The following PDLIM4 variants were observed in gnomAD, a reference collection of about 807,000 sequenced individuals.
The protein encoded by PDLIM4 is PDZ and LIM domain protein 4.
PDLIM4 carries 19 observed loss-of-function variants against 31.3 expected under a neutral mutation model. That is an observed-to-expected ratio of 0.61 (90% confidence interval 0.42 to 0.89). The LOEUF (loss-of-function observed/expected upper bound fraction) is 0.89. Ranked by LOEUF, PDLIM4 falls within the 40% of genes least tolerant of loss-of-function variation. The pLI is 0.00. For synonymous variants in PDLIM4, 176 were observed against 190.1 expected, an observed-to-expected ratio of 0.93 and a Z score of 0.61; for missense variants, 442 against 461.1, an observed-to-expected ratio of 0.96 and a Z score of 0.38.
chr5:132,266,231 G>A (rs577370187), intron 2 of PDLIM4, among the ~76,000 whole-genome samples: 2 of 152,358 alleles, frequency 1.3e-5, no homozygotes, highest in East Asian at 1.9e-4. Context: ...CCAGACTAGA[G>A]AGGGATTGGG....
chr5:132,270,846 G>T, intron 3 of PDLIM4, 69 bp from the exon 4 acceptor site: 1 of 1,381,796 alleles, frequency 7.2e-7, no homozygotes, highest in Non-Finnish European at 1.0e-6. Context: ...CAGCAGGGTG[G>T]GGGTGGGGTG....
chr5:132,268,994 G>A (rs566700483), intron 3 of PDLIM4, among the ~76,000 whole-genome samples: 66 of 152,294 alleles, frequency 4.3e-4, no homozygotes, highest in African/African-American at 1.6e-3. Flanking sequence ...TGTGCTTTAT[G>A]CCAGGCACTA....
At chr5:132,268,922 AG>A (rs1756548272) in intron 3 of PDLIM4, among the ~76,000 whole-genome samples, 1 of 152,146 alleles carries the variant, frequency 6.6e-6, no homozygotes, top group African/African-American at 2.4e-5. Flanking sequence ...CCACCCACAG[AG>A]GGGGAAAATA....
In PDLIM4 at chr5:132,272,338, C is replaced by T. The variant is rs1756646885; in HGVS notation, c.*109C>T. 1 of 919,518 alleles carries T rather than the reference C, an allele frequency of 1.1e-6. No individual in the cohort carries two copies. Among genetic ancestry groups the T allele is most frequent in the South Asian group, 1.5e-5 (1 of 67,682 alleles). 57.0% of individuals were successfully genotyped at this position (919,518 alleles called of 1,614,324 possible). A position where few individuals can be genotyped will look rare whatever the true frequency, so the allele number is the denominator to read the frequency against. On this transcript the variant is annotated 3_prime_UTR_variant, in exon 7 of 7. Transcript: ENST00000253754. ...CTCCTCTGCTCCACCTTGAACCTGT[C>T]ACCTGGCCTGCCACCCTCCTGCGCA...
chr5:132,265,567 A>G (rs1452544718), intron 2 of PDLIM4, among the ~76,000 whole-genome samples: 1 of 152,208 alleles, frequency 6.6e-6, no homozygotes, highest in African/African-American at 2.4e-5. Context: ...TATGGACCAT[A>G]GGCATAGATA....
chr5:132,266,965 C>T (rs1756504770), intron 3 of PDLIM4, among the ~76,000 whole-genome samples: 1 of 152,186 alleles, frequency 6.6e-6, no homozygotes, highest in Non-Finnish European at 1.5e-5. Flanking sequence ...CCTCTGAGTG[C>T]CCTATCCAAG....
chr5:132,271,994 C>CATCAGACAG, intron 6 of PDLIM4, 31 bp from the exon 7 acceptor site: 1 of 1,608,556 alleles, frequency 6.2e-7, no homozygotes, highest in Non-Finnish European at 8.5e-7. Context: ...ATCAGTCACT[C>CATCAGACAG]GACGCTGTCC....
chr5:132,270,057 C>T (rs1430472442), intron 3 of PDLIM4, among the ~76,000 whole-genome samples: 1 of 152,118 alleles, frequency 6.6e-6, no homozygotes, highest in Non-Finnish European at 1.5e-5. Context: ...TGCTTGTGTG[C>T]ACTTGCAAGC....
chr5:132,268,926 G>A (rs764220972), intron 3 of PDLIM4, among the ~76,000 whole-genome samples: 9 of 152,172 alleles, frequency 5.9e-5, no homozygotes, highest in Non-Finnish European at 1.3e-4. Context: ...CCACAGAGGG[G>A]GAAAATACAG....
In PDLIM4 at chr5:132,257,726, C is replaced by T; in HGVS notation, c.-9C>T. ...CCGGCTCAGGCTCCGGCTGCGGCTCCAGCCCGCGATGCCCCATTCCGTGAC... is the reference window on the plus strand; with the variant it reads ...CCGGCTCAGGCTCCGGCTGCGGCTCTAGCCCGCGATGCCCCATTCCGTGAC... On this transcript the variant is annotated 5_prime_UTR_variant, in exon 1 of 7. Coordinates refer to ENST00000253754, the MANE Select transcript of PDLIM4 (RefSeq NM_003687.4). This position sits in a 1 kb window ranked among gnomAD's most constrained non-coding sequence, Gnocchi z 4.3. 2.0e-6 allele frequency: 3 copies of T among 1,466,756 alleles called. No homozygotes were observed. The highest frequency in any genetic ancestry group is 2.6e-5 in the South Asian group (2 of 78,176). 90.9% of individuals were successfully genotyped at this position (1,466,756 alleles called of 1,614,324 possible).
In PDLIM4 at chr5:132,272,091, C is replaced by T. The variant is rs200590141; in HGVS notation, c.855C>T (p.Gly285=). The change falls in exon 7 of 7, where the codon GGC becomes GGT. Residue 285 remains glycine (G), a synonymous_variant. Transcript: ENST00000253754. ...HPECFMCSDC[G]LNLKQRGYFF... is the part of the protein sequence containing the mutation. ...AGTGCTTCATGTGCAGTGACTGCGG[C>T]CTGAACCTCAAGCAGCGTGGTTACT... is the stretch of plus-strand genomic sequence containing the variant. The T allele has an allele frequency of 3.9e-5, 63 of 1,614,240 alleles. No individual in the cohort carries two copies. In the East Asian group the frequency reaches 1.4e-3, roughly 35 times the overall value.
Position 132,257,900 on chromosome 5 carries a change from C to A in PDLIM4, c.93+73C>A. 1 of 846,510 alleles carries A rather than the reference C, an allele frequency of 1.2e-6. No individual in the cohort carries two copies. The highest frequency in any genetic ancestry group is 1.7e-6 in the Non-Finnish European group (1 of 588,880). The allele number at this position is 846,510 out of a possible 1,614,324, so 52.4% of individuals were successfully genotyped here. A position where few individuals can be genotyped will look rare whatever the true frequency, so the allele number is the denominator to read the frequency against. On this transcript the variant is annotated intron_variant, in intron 1 of 6. Transcript: ENST00000253754. This position sits in a 1 kb window ranked among gnomAD's most constrained non-coding sequence, Gnocchi z 4.3. ...CGGGTTCTCGCGGTCCGCCCGGGAC[C>A]CAGATCCCCTGTGTATCCGAGGCTT...
At chr5:132,260,719 T>C (rs747707030) in intron 1 of PDLIM4, among the ~76,000 whole-genome samples, 6 of 152,222 alleles carry the variant, frequency 3.9e-5, no homozygotes, top group African/African-American at 7.2e-5. Flanking sequence ...TAACTATCCT[T>C]CTGTACTTCT....
Position 132,271,048 on chromosome 5 carries a change from C to T in PDLIM4, c.461C>T (p.Thr154Ile). ...CCTCACAATGGCAGCAGCGAGGCCA[C>T]CCTGCCAGCCCAGATGAGCACCCTG... The part of the protein sequence containing the change: ...PVPHNGSSEA[T>I]LPAQMSTLHV... Residue 154 changes from threonine to isoleucine, a missense_variant, in exon 4 of 7, where the codon ACC becomes ATC. Transcript: ENST00000253754. 1.9e-6 allele frequency: 3 copies of T among 1,614,144 alleles called. No individual in the cohort carries two copies. In the Middle Eastern group the frequency reaches 4.9e-4, roughly 266 times the overall value.
intron 2 of PDLIM4, among the ~76,000 whole-genome samples, chr5:132,264,628 G>A (rs1039690703): frequency 5.3e-5 from 8 of 151,908 alleles, no homozygotes; most frequent in African/African-American, 1.7e-4. Flanking sequence ...AGACATGAGG[G>A]CCACCTTGAC....
At chr5:132,259,501 C>A (rs570308221) in intron 1 of PDLIM4, among the ~76,000 whole-genome samples, 1 of 152,158 alleles carries the variant, frequency 6.6e-6, no homozygotes, top group Non-Finnish European at 1.5e-5. Flanking sequence ...CAAAGTCACG[C>A]GGCAGCAGCT....
Position 132,270,779 on chromosome 5 carries a change from C to A in PDLIM4, c.328-136C>A, listed in dbSNP as rs1006562501. 5 of 759,718 alleles carry A rather than the reference C, an allele frequency of 6.6e-6. No homozygotes were observed. In the Admixed American group the frequency reaches 1.0e-4, roughly 16 times the overall value. 47.1% of individuals were successfully genotyped at this position (759,718 alleles called of 1,614,324 possible). A position where few individuals can be genotyped will look rare whatever the true frequency, so the allele number is the denominator to read the frequency against. On this transcript the variant is annotated intron_variant, in intron 3 of 6. Transcript: ENST00000253754. ...AAATCCCTTCCCTGGCTGAGCACCA[C>A]AGGCCAGAGATGCCGAAGCAGAGGA...
In PDLIM4 at chr5:132,272,150, A is replaced by G; in HGVS notation, c.914A>G (p.His305Arg). ...GACGAGCGGCTCTACTGTGAGAGCC[A>G]CGCCAAGGCGCGCGTGAAGCCGCCC... ...FLDERLYCES[H>R]AKARVKPPEG... The change falls in exon 7 of 7, where the codon CAC becomes CGC. Residue 305 changes from histidine (H) to arginine (R), a missense_variant. Coordinates refer to ENST00000253754, the MANE Select transcript of PDLIM4 (RefSeq NM_003687.4). 6.2e-7 allele frequency: 1 copy of G among 1,614,216 alleles called. No homozygotes were observed. Among genetic ancestry groups the G allele is most frequent in the Non-Finnish European group, 8.5e-7 (1 of 1,180,018 alleles).
chr5:132,271,782 G>A lies in PDLIM4; in HGVS notation c.671-9G>A, dbSNP rs1756625826. On this transcript the variant is annotated splice_polypyrimidine_tract_variant and intron_variant, in intron 5 of 6. Transcript: ENST00000253754. ...ACCCCGTTCATGCCACCTACGCTCCGGGTTTCAGGGGATTGGCCCGGGCCT... is the reference window on the plus strand; with the variant it reads ...ACCCCGTTCATGCCACCTACGCTCCAGGTTTCAGGGGATTGGCCCGGGCCT... 1 of 1,585,130 alleles carries A rather than the reference G, an allele frequency of 6.3e-7. No individual in the cohort carries two copies. Among genetic ancestry groups the A allele is most frequent in the Non-Finnish European group, 8.7e-7 (1 of 1,154,296 alleles).
Sources: allele counts gnomAD v4.1 joint callset (sites outside exome capture counted in the v4.1 genomes callset), GRCh38; gene constraint gnomAD v4.1.1; non-coding constraint Gnocchi (gnomAD v3.1); transcripts MANE v1.5; gene names NCBI Gene and HGNC (gene_info 2026-07-23, HGNC 2026-07-21).